The following GPC3 variants were observed in gnomAD, a reference collection of about 807,000 sequenced individuals.
GPC3 encodes glypican-3.
In GPC3, 3 loss-of-function variants were observed where a neutral mutation model predicts 34.4. That is an observed-to-expected ratio of 0.09 (90% CI 0.04 to 0.23). The LOEUF is 0.23. Ranked by LOEUF, GPC3 falls within the 10% of genes least tolerant of loss-of-function variation. GPC3 has a pLI of 1.00. For synonymous variants in GPC3, 177 were observed against 174.0 expected (o/e 1.02, Z -0.13); for missense variants, 351 against 445.6 (o/e 0.79, Z 1.91).
In GPC3 at chrX:133,569,036, C is replaced by T. The variant is rs891430721; in HGVS notation, c.1573+27404G>A. On this transcript the variant is annotated intron_variant, in intron 7 of 7. Coordinates refer to ENST00000370818, the MANE Select transcript of GPC3 (RefSeq NM_004484.4). ...AAAAACCTTAGCATGGGCGTGGTGGCGATGCCTGTAGTCCCAGCTACTTGG... is the reference window on the plus strand; with the variant it reads ...AAAAACCTTAGCATGGGCGTGGTGGTGATGCCTGTAGTCCCAGCTACTTGG... Among the ~76,000 whole-genome samples, 5 of 110,726 alleles carry T rather than the reference C, an allele frequency of 4.5e-5. No individual in the cohort carries two copies. In the East Asian group the frequency reaches 1.1e-3, roughly 25 times the overall value.
chrX:133,907,429 G>A (rs1280233237), intron 2 of GPC3, among the ~76,000 whole-genome samples: 1 of 109,879 alleles, frequency 9.1e-6, no homozygotes, highest in African/African-American at 3.3e-5. Flanking sequence ...TCTTTTAAAT[G>A]AAAAATTTAG....
chrX:133,882,535 TTG>T (rs3831709), intron 2 of GPC3, among the ~76,000 whole-genome samples: 60 of 104,993 alleles, frequency 5.7e-4, no homozygotes, highest in Admixed American at 9.3e-4. Context: ...TTTCTACAGT[TTG>T]TGTGTGTGTG....
At chrX:133,595,426 A>C (rs1392300193) in intron 7 of GPC3, among the ~76,000 whole-genome samples, 1 of 112,087 alleles carries the variant, frequency 8.9e-6, no homozygotes, top group Non-Finnish European at 1.9e-5. Flanking sequence ...AAAGTACTCT[A>C]AACTGTGATA....
Position 133,592,240 on chromosome X carries a change from C to T in GPC3, c.1573+4200G>A, listed in dbSNP as rs373745238. Among the ~76,000 whole-genome samples the T allele has an allele frequency of 1.7e-3, 180 of 106,136 alleles. 1 individual carries two copies. The highest frequency in any genetic ancestry group is 5.9e-3 in the African/African-American group (172 of 29,221). The allele number at this position is 106,136 out of a possible 115,157, so 92.2% of individuals were successfully genotyped here. A position where few individuals can be genotyped will look rare whatever the true frequency, so the allele number is the denominator to read the frequency against. ...GCTGCACCCGTTAACTGGTCATTTA[C>T]ATTAGGTATATCTCCTAATGCTATC... On this transcript the variant is annotated intron_variant, in intron 7 of 7. Coordinates refer to ENST00000370818, the MANE Select transcript of GPC3 (RefSeq NM_004484.4).
At chrX:133,540,592 T>C (rs2069331845) in intron 7 of GPC3, among the ~76,000 whole-genome samples, 1 of 111,481 alleles carries the variant, frequency 9.0e-6, no homozygotes, top group African/African-American at 3.3e-5. Context: ...GACTACATAT[T>C]GGGTACAGTG....
At chrX:133,542,327 G>C (rs1228826050) in intron 7 of GPC3, among the ~76,000 whole-genome samples, 1 of 111,414 alleles carries the variant, frequency 9.0e-6, no homozygotes, top group Non-Finnish European at 1.9e-5. Context: ...TGGACCTGGG[G>C]TGCATCAAGC....
chrX:133,780,560 C>T (rs2072035824), intron 2 of GPC3, among the ~76,000 whole-genome samples: 2 of 111,412 alleles, frequency 1.8e-5, no homozygotes, highest in Non-Finnish European at 3.8e-5. Context: ...TTGTGAGTTC[C>T]AGCTGGTCAG....
chrX:133,548,631 T>A (rs2069406850), intron 7 of GPC3, among the ~76,000 whole-genome samples: 1 of 111,757 alleles, frequency 8.9e-6, no homozygotes, highest in Non-Finnish European at 1.9e-5. Flanking sequence ...ATTTGTTCTT[T>A]AAATACTTTC....
At chrX:133,820,303 A>T (rs745338129) in intron 2 of GPC3, among the ~76,000 whole-genome samples, 9 of 112,318 alleles carry the variant, frequency 8.0e-5, no homozygotes, top group African/African-American at 2.6e-4. Context: ...TTTTGATTTG[A>T]TTTTTCTACT....
At chrX:133,941,990 T>C (rs1317428005) in intron 2 of GPC3, among the ~76,000 whole-genome samples, 2 of 111,482 alleles carry the variant, frequency 1.8e-5, no homozygotes, top group Non-Finnish European at 3.8e-5. Context: ...AAGAGTACTA[T>C]TTTTTTCACC....
At chrX:133,783,542 C>T (rs1472827187) in intron 2 of GPC3, among the ~76,000 whole-genome samples, 1 of 112,251 alleles carries the variant, frequency 8.9e-6, no homozygotes, top group Non-Finnish European at 1.9e-5. Flanking sequence ...ACACTTTTTG[C>T]TTTCCCCCTA....
chrX:133,592,430 T>A (rs775472964), intron 7 of GPC3, among the ~76,000 whole-genome samples: 1 of 108,574 alleles, frequency 9.2e-6, no homozygotes. Context: ...CCCTACCTCA[T>A]AGTGGTATTG....
intron 6 of GPC3, among the ~76,000 whole-genome samples, chrX:133,600,808 C>T (rs2069972858): frequency 9.0e-6 from 1 of 111,544 alleles, no homozygotes; most frequent in African/African-American, 3.3e-5. Flanking sequence ...TCAGACTGAA[C>T]ACTAACTTTA....
intron 3 of GPC3, among the ~76,000 whole-genome samples, chrX:133,736,839 A>C (rs1317125613): frequency 4.5e-5 from 5 of 111,964 alleles, no homozygotes; most frequent in Non-Finnish European, 7.5e-5. Context: ...ATATACTAAA[A>C]ACCAATGAAT....
At chrX:133,842,323 AAAT>A (rs1171595090) in intron 2 of GPC3, among the ~76,000 whole-genome samples, 6 of 107,024 alleles carry the variant, frequency 5.6e-5, no homozygotes, top group African/African-American at 1.7e-4. Flanking sequence ...CTCAAAAAAA[AAAT>A]AATAATAATA....
chrX:133,693,186 TGTGTGTGTGTGTGTGA>T (rs1304156595), intron 4 of GPC3, among the ~76,000 whole-genome samples: 1 of 106,799 alleles, frequency 9.4e-6, no homozygotes, highest in African/African-American at 3.5e-5. Context: ...TGTGTGTGTG[TGTGTGTGTGTGTGTGA>T]GACAGAGAGA....
chrX:133,645,776 C>A (rs1245935250), intron 6 of GPC3, among the ~76,000 whole-genome samples: 1 of 110,251 alleles, frequency 9.1e-6, no homozygotes, highest in Admixed American at 9.8e-5. Flanking sequence ...GACAGAGTCA[C>A]TAAGACCATA....
intron 2 of GPC3, among the ~76,000 whole-genome samples, chrX:133,877,972 TA>T (rs1164565818): frequency 8.9e-6 from 1 of 111,858 alleles, no homozygotes; most frequent in Non-Finnish European, 1.9e-5. Flanking sequence ...TGTTTTTTTT[TA>T]ATATTCTGCA....
At chrX:133,870,199 A>T (rs903531882) in intron 2 of GPC3, among the ~76,000 whole-genome samples, 4 of 112,041 alleles carry the variant, frequency 3.6e-5, no homozygotes, top group African/African-American at 9.7e-5. Flanking sequence ...TGAATGGTCA[A>T]AAAATTGATG....
Sources: allele counts gnomAD v4.1 joint callset (sites outside exome capture counted in the v4.1 genomes callset), GRCh38; gene constraint gnomAD v4.1.1; transcripts MANE v1.5; gene names NCBI Gene and HGNC (gene_info 2026-07-23, HGNC 2026-07-21).